Variants in NDUFS2 observed in about 807,000 individuals in gnomAD.
NDUFS2 encodes NADH dehydrogenase [ubiquinone] iron-sulfur protein 2, mitochondrial.
NDUFS2 carries 38 observed loss-of-function variants against 69.6 expected under a neutral mutation model. That is an observed-to-expected ratio of 0.55 (90% CI 0.42 to 0.72). The LOEUF (loss-of-function observed/expected upper bound fraction) is 0.72, where lower values mean the gene tolerates loss of function less well. Among genes scored for constraint, NDUFS2 ranks in the 30% least tolerant of loss-of-function variants. The probability of loss-of-function intolerance (pLI) is 0.00; values close to 1 mark genes in which losing one functional copy is unlikely to be tolerated. For synonymous variants in NDUFS2, 194 were observed against 211.2 expected (o/e 0.92, Z 0.70); for missense variants, 468 against 595.0 (o/e 0.79, Z 2.22).
intron 2 of NDUFS2, 123 bp downstream of exon 2, chr1:161,203,666 G>T: frequency 1.2e-6 from 1 of 829,520 alleles, no homozygotes; most frequent in Non-Finnish European, 2.0e-6. Flanking sequence ...TGCGAAAGTG[G>T]CTCACTGTAG....
At chr1:161,213,321 A>C in intron 10 of NDUFS2, 59 bp from the exon 11 acceptor site, 1 of 1,082,476 alleles carries the variant, frequency 9.2e-7, no homozygotes, top group South Asian at 1.3e-5. Context: ...GTGCTGGGGG[A>C]GGCCTAGGAG....
At position 161,210,372 on chromosome 1, in the gene NDUFS2, A is replaced by C. The variant is rs1214000481; in HGVS notation, c.849A>C (p.Ala283=). The C allele has an allele frequency of 6.2e-7, 1 of 1,613,946 alleles. No individual in the cohort carries two copies. The highest frequency in any genetic ancestry group is 2.2e-5 in the East Asian group (1 of 44,890). The part of the protein sequence containing the change: ...IDIGVVTAEE[A]LNYGFSGVML... ...TTGGGGTTGTAACAGCAGAAGAAGC[A>C]CTTAACTATGGTTTTAGGTGAGGGG... The change falls in exon 8 of 14, where the codon GCA becomes GCC. Residue 283 remains alanine (A), a synonymous_variant. Transcript: ENST00000676972.
In NDUFS2 at chr1:161,213,468, C is replaced by A. The variant is rs760570861; in HGVS notation, c.1205C>A (p.Ala402Asp). ...GGAGCCACATATACTGCCATTGAGG[C>A]TCCCAAGGTAAGGAGAGGAGGGGAA... ...PPGATYTAIEAPKGEFGVYLV... is the reference protein window; with the variant it reads ...PPGATYTAIEDPKGEFGVYLV... Residue 402 changes from alanine to aspartate, a missense_variant, in exon 11 of 14, where the codon GCT becomes GAT. By Grantham distance (126) the Ala-to-Asp change is moderately radical. Coordinates refer to ENST00000676972, the MANE Select transcript of NDUFS2 (RefSeq NM_001377299.1). The A allele has an allele frequency of 6.2e-7, 1 of 1,609,486 alleles. No individual in the cohort carries two copies. Among genetic ancestry groups the A allele is most frequent in the South Asian group, 1.1e-5 (1 of 90,462 alleles).
At chr1:161,214,107 C>A (rs1273772379) in intron 13 of NDUFS2, 49 bp from the exon 14 acceptor site, 2 of 1,614,000 alleles carry the variant, frequency 1.2e-6, no homozygotes, top group South Asian at 2.2e-5. Flanking sequence ...TTTTGCCTCA[C>A]AACAGGAAGA....
intron 12 of NDUFS2, 60 bp from the exon 13 acceptor site, chr1:161,213,801 CTCT>C (rs936863702): frequency 2.5e-6 from 4 of 1,611,314 alleles, no homozygotes; most frequent in Non-Finnish European, 2.5e-6. Flanking sequence ...TTTTTATGAA[CTCT>C]TCTTTCTCCT....
intron 2 of NDUFS2, among the ~76,000 whole-genome samples, chr1:161,206,200 G>T (rs1335178772): frequency 1.3e-5 from 2 of 152,128 alleles, no homozygotes; most frequent in Admixed American, 6.5e-5. Flanking sequence ...GACATAGAGT[G>T]AGATTCATGA....
intron 9 of NDUFS2, among the ~76,000 whole-genome samples, chr1:161,211,827 G>T (rs538673131): frequency 1.3e-5 from 2 of 152,236 alleles, no homozygotes; most frequent in East Asian, 1.9e-4. Flanking sequence ...GGTCCAAAAA[G>T]TGCTTAAGGA....
chr1:161,202,447 G>C lies in NDUFS2; in HGVS notation c.62G>C (p.Gly21Ala), dbSNP rs1322449827. ...RGVAAQVLRP[G>A]AGVRLPIQPS... ...GTCGCGGCCCAGGTGCTGCGGCCTG[G>C]GGCTGGAGTCCGATTGCCGATTCAG... The change falls in exon 1 of 14, where the codon GGG becomes GCG. Residue 21 changes from glycine to alanine, a missense_variant. Physicochemically the swap from Gly to Ala is moderately conservative, Grantham distance 60. This residue lies in a region of NDUFS2 where 57 missense variants were observed against 42.3 expected (regional missense o/e 1.35). Transcript: ENST00000676972. 6.2e-7 allele frequency: 1 copy of C among 1,612,412 alleles called. No homozygotes were observed. Among genetic ancestry groups the C allele is most frequent in the South Asian group, 1.1e-5 (1 of 90,550 alleles).
At chr1:161,209,654 T>G in intron 5 of NDUFS2, 59 bp downstream of exon 5, 3 of 1,403,734 alleles carry the variant, frequency 2.1e-6, no homozygotes, top group Non-Finnish European at 3.0e-6. Flanking sequence ...AGAGAAGGTA[T>G]AAAGGAGACA....
chr1:161,206,006 T>G (rs949440026), intron 2 of NDUFS2, among the ~76,000 whole-genome samples: 1 of 152,140 alleles, frequency 6.6e-6, no homozygotes, highest in Non-Finnish European at 1.5e-5. Flanking sequence ...CCTCAGTTTA[T>G]CCAATGAAAT....
chr1:161,206,438 G>A lies in NDUFS2; in HGVS notation c.234G>A (p.Lys78=). 6.2e-7 allele frequency: 1 copy of A among 1,614,252 alleles called. No individual in the cohort carries two copies. Among genetic ancestry groups the A allele is most frequent in the East Asian group, 2.2e-5 (1 of 44,890 alleles). ...ACCCTCCAAAGGACACAATTGTGAA[G>A]AACATTACCCTGAACTTTGGGCCCC... ...DVDPPKDTIV[K]NITLNFGPQH... is the part of the protein sequence containing the mutation. The change falls in exon 3 of 14, where the codon AAG becomes AAA. Residue 78 remains lysine, a synonymous_variant. Transcript: ENST00000676972.
upstream of NDUFS2, chr1:161,202,364 C>G (rs1277062085): frequency 3.1e-6 from 5 of 1,602,942 alleles, no homozygotes; most frequent in East Asian, 2.2e-5. Context: ...TTCTCCTTCC[C>G]GCAGTCTGCA....
intron 5 of NDUFS2, 70 bp downstream of exon 5, chr1:161,209,665 G>A: frequency 7.4e-7 from 1 of 1,357,492 alleles, no homozygotes; most frequent in Non-Finnish European, 1.0e-6. Flanking sequence ...AAAGGAGACA[G>A]GAGATTAAAA....
intron 7 of NDUFS2, 57 bp downstream of exon 7, chr1:161,210,245 C>T (rs1481056530): frequency 5.0e-6 from 8 of 1,609,042 alleles, no homozygotes; most frequent in African/African-American, 1.3e-5. Context: ...TAGAGAAATA[C>T]AGAGATATTT....
chr1:161,208,808 T>G (rs188026557), intron 3 of NDUFS2, among the ~76,000 whole-genome samples: 2 of 152,388 alleles, frequency 1.3e-5, no homozygotes, highest in African/African-American at 2.4e-5. Flanking sequence ...TACCACATTT[T>G]ACTATGCTCT....
At chr1:161,204,783 A>G (rs1264165102) in intron 2 of NDUFS2, among the ~76,000 whole-genome samples, 4 of 152,182 alleles carry the variant, frequency 2.6e-5, no homozygotes, top group Non-Finnish European at 5.9e-5. Flanking sequence ...ACTTGATTAA[A>G]GCCCGGATGC....
chr1:161,198,976 C>A, upstream of NDUFS2: 1 of 253,348 alleles, frequency 3.9e-6, no homozygotes, highest in Non-Finnish European at 7.5e-6. This position sits in a 1 kb window ranked among gnomAD's most constrained non-coding sequence, Gnocchi z 4.7. Context: ...CCTTCTTCCG[C>A]TGTGCCTTTG....
At chr1:161,213,546 C>T in intron 11 of NDUFS2, 71 bp downstream of exon 11, 1 of 1,528,710 alleles carries the variant, frequency 6.5e-7, no homozygotes, top group South Asian at 1.1e-5. Flanking sequence ...TAACAAATAG[C>T]TCATTCATCA....
chr1:161,210,454 T>C, intron 8 of NDUFS2, 65 bp downstream of exon 8: 2 of 1,600,820 alleles, frequency 1.2e-6, no homozygotes, highest in Non-Finnish European at 1.7e-6. Flanking sequence ...CAGCCTAATA[T>C]CTTGTCTTTG....
Sources: allele counts gnomAD v4.1 joint callset (sites outside exome capture counted in the v4.1 genomes callset), GRCh38; gene constraint gnomAD v4.1.1; regional missense constraint gnomAD v4.1.1; non-coding constraint Gnocchi (gnomAD v3.1); transcripts MANE v1.5; gene names NCBI Gene and HGNC (gene_info 2026-07-23, HGNC 2026-07-21).